Variants in FAM163A observed in about 807,000 individuals in gnomAD.
The protein encoded by FAM163A is family with sequence similarity 163 member A.
Under a neutral mutation model 12.0 loss-of-function variants are expected in FAM163A, and 7 were observed. The ratio of observed to expected loss-of-function variants is 0.58; its 90% CI spans 0.33 to 1.10. FAM163A has a LOEUF of 1.10. Among genes scored for constraint, FAM163A ranks in the 50% least tolerant of loss-of-function variants. The pLI is 0.03. For synonymous variants in FAM163A, 101 were observed against 91.0 expected, an observed-to-expected ratio of 1.11 and a Z score of -0.62; for missense variants, 202 against 218.6, an observed-to-expected ratio of 0.92 and a Z score of 0.48.
intron 1 of FAM163A, among the ~76,000 whole-genome samples, chr1:179,792,392 C>G (rs902800084): frequency 6.6e-6 from 1 of 151,912 alleles, no homozygotes; most frequent in African/African-American, 2.4e-5. Context: ...AATCCACCCC[C>G]GCTTAGCCTC....
chr1:179,743,815 C>T (rs1684018262), intron 1 of FAM163A, among the ~76,000 whole-genome samples: 1 of 152,170 alleles, frequency 6.6e-6, no homozygotes, highest in Non-Finnish European at 1.5e-5. Flanking sequence ...CTCAGCGTGT[C>T]TGCAGCGACC....
At chr1:179,746,363 T>A (rs1000419080) in intron 1 of FAM163A, among the ~76,000 whole-genome samples, 2 of 152,206 alleles carry the variant, frequency 1.3e-5, no homozygotes, top group Admixed American at 6.5e-5. Flanking sequence ...AAGGGGGACT[T>A]GTTAAGTGTC....
chr1:179,742,893 G>A (rs1317140551), upstream of FAM163A, among the ~76,000 whole-genome samples: 1 of 152,146 alleles, frequency 6.6e-6, no homozygotes, highest in African/African-American at 2.4e-5. Flanking sequence ...AGTGCGGGCC[G>A]GAAATAGGAA....
chr1:179,751,062 T>G (rs1275365183), intron 1 of FAM163A, among the ~76,000 whole-genome samples: 2 of 152,038 alleles, frequency 1.3e-5, no homozygotes, highest in African/African-American at 2.4e-5. Context: ...GGGCAAACAT[T>G]GTGAGTGAGT....
intron 1 of FAM163A, among the ~76,000 whole-genome samples, chr1:179,743,778 C>T (rs1266458488): frequency 6.6e-6 from 1 of 152,156 alleles, no homozygotes; most frequent in African/African-American, 2.4e-5. Flanking sequence ...CGGGTCCCTG[C>T]CCCCGGGCCG....
intron 3 of FAM163A, 23 bp from the exon 4 acceptor site, chr1:179,813,053 C>T (rs1694922261): frequency 1.3e-6 from 2 of 1,547,624 alleles, no homozygotes; most frequent in South Asian, 1.2e-5. Context: ...AGCTGGTCCT[C>T]AGCCCTCCGC....
At chr1:179,787,146 AGTG>A (rs1690746630) in intron 1 of FAM163A, among the ~76,000 whole-genome samples, 1 of 152,248 alleles carries the variant, frequency 6.6e-6, no homozygotes, top group African/African-American at 2.4e-5. Context: ...TCATGGAACA[AGTG>A]GTATCAGACC....
At position 179,815,330 on chromosome 1, in the gene FAM163A, T is replaced by C. The variant is rs1695230485; in HGVS notation, c.*1141T>C. On this transcript the variant is annotated 3_prime_UTR_variant, in exon 5 of 5. Coordinates refer to ENST00000341785, the MANE Select transcript of FAM163A (RefSeq NM_173509.3). ...GTGAACAGGAAGAGCACAGAATCTCTGTGGGGCGATGCTGCAGCGGCTGAA... is the reference window on the plus strand; with the variant it reads ...GTGAACAGGAAGAGCACAGAATCTCCGTGGGGCGATGCTGCAGCGGCTGAA... 2.6e-5 allele frequency: 4 copies of C among 152,218 alleles called. No individual in the cohort carries two copies. The highest frequency in any genetic ancestry group is 2.6e-4 in the Admixed American group (4 of 15,274). 9.4% of individuals were successfully genotyped at this position (152,218 alleles called of 1,614,324 possible).
chr1:179,804,819 A>AG (rs1693693629), intron 1 of FAM163A, among the ~76,000 whole-genome samples: 1 of 152,138 alleles, frequency 6.6e-6, no homozygotes, highest in Non-Finnish European at 1.5e-5. Context: ...GGAGGGTGAG[A>AG]GGAGGGAGGG....
chr1:179,744,923 A>G (rs1471536311), intron 1 of FAM163A, among the ~76,000 whole-genome samples: 1 of 152,218 alleles, frequency 6.6e-6, no homozygotes, highest in Non-Finnish European at 1.5e-5. Context: ...CGCTTTGCCT[A>G]AGATTCGCTG....
the FAM163A span, among the ~76,000 whole-genome samples, chr1:179,731,989 C>T: frequency 6.6e-6 from 1 of 152,076 alleles, no homozygotes; most frequent in Non-Finnish European, 1.5e-5. Flanking sequence ...GCTAATAATC[C>T]CAGGTCTCAT....
chr1:179,776,037 A>G (rs139180930), intron 1 of FAM163A, among the ~76,000 whole-genome samples: 3 of 152,308 alleles, frequency 2.0e-5, no homozygotes, highest in African/African-American at 2.4e-5. Flanking sequence ...AGATTGTTAC[A>G]TATGAGGGTT....
chr1:179,735,495 CTTTTTTTTTTT>C, the FAM163A span, among the ~76,000 whole-genome samples: 146 of 62,188 alleles, frequency 2.3e-3, no homozygotes, highest in African/African-American at 9.4e-3. Context: ...GAGTTACATT[CTTTTTTTTTTT>C]TTTTTTTTTT....
At chr1:179,795,610 C>T (rs1232449628) in intron 1 of FAM163A, among the ~76,000 whole-genome samples, 1 of 152,194 alleles carries the variant, frequency 6.6e-6, no homozygotes, top group African/African-American at 2.4e-5. Context: ...GCGAAATAAG[C>T]TTCTGTTCTA....
chr1:179,793,408 A>G (rs1394797633), intron 1 of FAM163A, among the ~76,000 whole-genome samples: 3 of 152,248 alleles, frequency 2.0e-5, no homozygotes, highest in African/African-American at 7.2e-5. Flanking sequence ...CAGAAGGCTC[A>G]TCATCTATCT....
chr1:179,786,368 C>A (rs982773702), intron 1 of FAM163A, among the ~76,000 whole-genome samples: 2 of 152,192 alleles, frequency 1.3e-5, no homozygotes, highest in Non-Finnish European at 2.9e-5. Context: ...AGTTGGATGT[C>A]CTATTCAACC....
intron 1 of FAM163A, among the ~76,000 whole-genome samples, chr1:179,797,452 CA>C (rs535902018): frequency 3.3e-5 from 5 of 151,080 alleles, no homozygotes; most frequent in Non-Finnish European, 7.4e-5. Flanking sequence ...AACTCTGTCT[CA>C]AAAAAAAGGG....
intron 1 of FAM163A, among the ~76,000 whole-genome samples, chr1:179,749,313 A>G (rs536952101): frequency 5.3e-5 from 8 of 152,356 alleles, no homozygotes; most frequent in East Asian, 3.9e-4. Flanking sequence ...AGAAGGTGGT[A>G]ACCATCATAA....
At chr1:179,737,602 G>A in the FAM163A span, among the ~76,000 whole-genome samples, 3 of 152,308 alleles carry the variant, frequency 2.0e-5, no homozygotes, top group Non-Finnish European at 2.9e-5. Context: ...TTGGGAGGCC[G>A]AGGCGGGCAG....
Sources: allele counts gnomAD v4.1 joint callset (sites outside exome capture counted in the v4.1 genomes callset), GRCh38; gene constraint gnomAD v4.1.1; transcripts MANE v1.5; gene names NCBI Gene and HGNC (gene_info 2026-07-23, HGNC 2026-07-21).